The following TACC2 variants were observed in gnomAD, a reference collection of about 807,000 sequenced individuals.
TACC2 encodes transforming acidic coiled-coil-containing protein 2.
In TACC2, 137 loss-of-function variants were observed where a neutral mutation model predicts 227.3. The observed-to-expected ratio is 0.60, with a 90% CI of 0.52 to 0.69. The LOEUF (loss-of-function observed/expected upper bound fraction) is 0.69. Among genes scored for constraint, TACC2 ranks in the 30% least tolerant of loss-of-function variants. TACC2 has a pLI of 0.00. For missense variants in TACC2, 3,470 were observed against 3,694.4 expected (o/e 0.94, Z 1.57); for synonymous variants, 1,523 against 1,487.5 (o/e 1.02, Z -0.55).
At chr10:122,142,991 G>A (rs1039315463) in intron 6 of TACC2, among the ~76,000 whole-genome samples, 4 of 152,142 alleles carry the variant, frequency 2.6e-5, no homozygotes, top group African/African-American at 4.8e-5. Flanking sequence ...TTCCCTGGCT[G>A]TCCAGCAGGG....
At chr10:122,002,666 A>G (rs1034068680) in intron 1 of TACC2, among the ~76,000 whole-genome samples, 1 of 152,142 alleles carries the variant, frequency 6.6e-6, no homozygotes, top group African/African-American at 2.4e-5. Flanking sequence ...TTCTGTGGAA[A>G]TAGGTATGTT....
At chr10:122,111,932 CTATT>C (rs55776097) in intron 5 of TACC2, among the ~76,000 whole-genome samples, 37,467 of 152,024 alleles carry the variant, frequency 0.25, 5,320 homozygotes, top group Middle Eastern at 0.34. Flanking sequence ...AACAAGGAAT[CTATT>C]TAAGTTTCCA....
At chr10:122,128,153 C>T (rs1478858791) in intron 5 of TACC2, among the ~76,000 whole-genome samples, 6 of 151,932 alleles carry the variant, frequency 3.9e-5, no homozygotes, top group South Asian at 2.1e-4. Context: ...AGTAGTCTGG[C>T]GCTTTCACTT....
At chr10:122,043,227 A>G (rs1461835836) in intron 2 of TACC2, among the ~76,000 whole-genome samples, 1 of 152,210 alleles carries the variant, frequency 6.6e-6, no homozygotes, top group East Asian at 1.9e-4. Flanking sequence ...TGAAGCCTTT[A>G]GTCTGCCACC....
chr10:121,998,312 C>CAAAAA (rs1278618833), intron 1 of TACC2, among the ~76,000 whole-genome samples: 1 of 70,598 alleles, frequency 1.4e-5, no homozygotes, highest in Non-Finnish European at 2.8e-5. Flanking sequence ...ACCACGTTCT[C>CAAAAA]AAAAAAAAAA....
At chr10:122,005,089 A>ATT (rs900021879) in intron 1 of TACC2, among the ~76,000 whole-genome samples, 3 of 148,476 alleles carry the variant, frequency 2.0e-5, no homozygotes, top group Non-Finnish European at 3.0e-5. Context: ...ATTTTATTTT[A>ATT]TTTTTTTTTT....
intron 5 of TACC2, among the ~76,000 whole-genome samples, chr10:122,124,661 G>A (rs955590521): frequency 2.0e-5 from 3 of 152,194 alleles, no homozygotes; most frequent in African/African-American, 7.2e-5. Context: ...GTGTGCTGGG[G>A]AGTGGCTGTT....
At chr10:122,233,129 G>A (rs963534) in intron 16 of TACC2, among the ~76,000 whole-genome samples, 30,890 of 152,122 alleles carry the variant, frequency 0.2, 3,960 homozygotes, top group East Asian at 0.42. Flanking sequence ...GAGAAATGAG[G>A]AGAAGTCCTT....
intron 7 of TACC2, among the ~76,000 whole-genome samples, chr10:122,153,915 A>G (rs192104645): frequency 4.2e-4 from 64 of 152,262 alleles, no homozygotes; most frequent in Non-Finnish European, 8.4e-4. Context: ...CTGCTGAGCA[A>G]CCAACCTGTC....
intron 19 of TACC2, chr10:122,247,925 G>A (rs2096163526): frequency 6.6e-6 from 1 of 152,232 alleles, no homozygotes; most frequent in Non-Finnish European, 1.5e-5. Context: ...ATTTGGGGCA[G>A]ATTATTAGCT....
chr10:122,005,994 C>T (rs912703874), intron 1 of TACC2, among the ~76,000 whole-genome samples: 2 of 152,152 alleles, frequency 1.3e-5, no homozygotes, highest in Non-Finnish European at 2.9e-5. Flanking sequence ...CACACCTGGC[C>T]TACTGTATGT....
At chr10:122,148,728 G>A (rs560753391) in intron 7 of TACC2, among the ~76,000 whole-genome samples, 54 of 152,368 alleles carry the variant, frequency 3.5e-4, no homozygotes, top group Middle Eastern at 3.4e-3. Flanking sequence ...CTGTGGAAAC[G>A]ATGACACAAT....
At chr10:122,233,322 G>A (rs1236577403) in intron 16 of TACC2, among the ~76,000 whole-genome samples, 1 of 152,192 alleles carries the variant, frequency 6.6e-6, no homozygotes, top group Admixed American at 6.5e-5. Context: ...TGTCTGGGTG[G>A]CTCTCCAAGA....
intron 5 of TACC2, among the ~76,000 whole-genome samples, chr10:122,098,661 T>G (rs1392422104): frequency 2.0e-5 from 3 of 152,216 alleles, no homozygotes; most frequent in Admixed American, 6.5e-5. Flanking sequence ...AGCACTGAGG[T>G]ACCAGAGGTT....
intron 1 of TACC2, among the ~76,000 whole-genome samples, chr10:121,994,033 G>A (rs570442726): frequency 1.1e-4 from 16 of 152,132 alleles, no homozygotes; most frequent in South Asian, 6.2e-4. Flanking sequence ...TTTCAGTGAC[G>A]GTATATAAAG....
At chr10:122,045,574 G>A (rs1481981406) in intron 2 of TACC2, among the ~76,000 whole-genome samples, 3 of 152,216 alleles carry the variant, frequency 2.0e-5, no homozygotes, top group Non-Finnish European at 4.4e-5. Flanking sequence ...TGCTGCTGTC[G>A]TAGCAGAAAG....
intron 11 of TACC2, chr10:122,217,064 C>G: frequency 1.4e-6 from 1 of 737,960 alleles, no homozygotes. Flanking sequence ...ACGGTGCCCT[C>G]TAACTCCACC....
intron 3 of TACC2, among the ~76,000 whole-genome samples, chr10:122,070,435 C>T (rs1027183841): frequency 1.4e-4 from 21 of 152,054 alleles, no homozygotes; most frequent in Admixed American, 6.6e-4. Context: ...ATGGCAAAAT[C>T]CTGTCTCTAC....
chr10:122,218,678 C>A (rs1771963319), intron 11 of TACC2, among the ~76,000 whole-genome samples: 1 of 152,178 alleles, frequency 6.6e-6, no homozygotes, highest in Non-Finnish European at 1.5e-5. Context: ...TTTTGGTTGG[C>A]TGTCAGGTTG....
Sources: allele counts gnomAD v4.1 joint callset (sites outside exome capture counted in the v4.1 genomes callset), GRCh38; gene constraint gnomAD v4.1.1; transcripts MANE v1.5; gene names NCBI Gene and HGNC (gene_info 2026-07-23, HGNC 2026-07-21).